ADAM12: variants seen among roughly 807,000 people sequenced by gnomAD.
ADAM12 encodes the protein ADAM metallopeptidase domain 12, also known as disintegrin and metalloproteinase domain-containing protein 12.
In ADAM12, 70 loss-of-function variants were observed where a neutral mutation model predicts 106.4. The observed-to-expected ratio is 0.66, with a 90% CI of 0.54 to 0.80. The LOEUF is 0.80. Among genes scored for constraint, ADAM12 ranks in the 30% least tolerant of loss-of-function variants. ADAM12 has a pLI of 0.00. For missense variants in ADAM12, 1,010 were observed against 1,171.9 expected (o/e 0.86, Z 2.02); for synonymous variants, 420 against 433.5 (o/e 0.97, Z 0.39).
intron 3 of ADAM12, among the ~76,000 whole-genome samples, chr10:126,168,085 A>G (rs1957055922): frequency 6.6e-6 from 1 of 152,224 alleles, no homozygotes; most frequent in South Asian, 2.1e-4. Context: ...TATTTACCTA[A>G]CTGATTAACT....
chr10:126,368,664 T>G (rs1286251969), intron 1 of ADAM12, among the ~76,000 whole-genome samples: 2 of 151,900 alleles, frequency 1.3e-5, no homozygotes, highest in East Asian at 1.9e-4. Context: ...TTGTTGTTTT[T>G]TTTTGCCTTT....
rs1325084158 is a variant in ADAM12, at chr10:126,049,873, A to G, written c.1610-204T>C. On this transcript the variant is annotated intron_variant, in intron 14 of 22. Transcript: ENST00000448723. The surrounding 1 kb of genome is among the most constrained non-coding windows in gnomAD (Gnocchi z 4.4). ...CTCTTGACTCGGCCTCTGGCAGAGC[A>G]CATGTTCCAATGCTTACTCTTCCTT... Among the ~76,000 whole-genome samples, 1 of 152,094 alleles carries G rather than the reference A, an allele frequency of 6.6e-6. No homozygotes were observed. The highest frequency in any genetic ancestry group is 1.5e-5 in the Non-Finnish European group (1 of 68,012).
rs111869297 is a variant in ADAM12, at chr10:126,068,192, CT to C, written c.1324-1387del. Among the ~76,000 whole-genome samples, 7 of 152,228 alleles carry C rather than the reference CT, an allele frequency of 4.6e-5. 1 individual carries two copies. Among genetic ancestry groups the C allele is most frequent in the African/African-American group, 1.4e-4 (6 of 41,530 alleles). On this transcript the variant is annotated intron_variant, in intron 12 of 22. Transcript: ENST00000448723. ...TTACAATTCTAAAAGAGTTTAGGAA[CT>C]TTTTTTAAAAAAAGTAGTCCATTAA...
At chr10:126,074,967 T>C (rs1455986935) in intron 11 of ADAM12, among the ~76,000 whole-genome samples, 1 of 152,150 alleles carries the variant, frequency 6.6e-6, no homozygotes, top group Non-Finnish European at 1.5e-5. Context: ...GCTCCAGCCA[T>C]GAGCAGGTGT....
rs199619555 is a variant in ADAM12 at position 126,051,588 on chromosome 10, T to TCCAGCCAGCCAGCCAGCCAGCCAG, written c.1610-1920_1610-1919insCTGGCTGGCTGGCTGGCTGGCTGG. ...ATCCATCCATCCATCCATCCATCCA[T>TCCAGCCAGCCAGCCAGCCAGCCAG]CCAGCCAGCCAGCCACCTGTCCATC... is the stretch of plus-strand genomic sequence containing the variant. On this transcript the variant is annotated intron_variant, in intron 14 of 22. Transcript: ENST00000448723. Among the ~76,000 whole-genome samples the TCCAGCCAGCCAGCCAGCCAGCCAG allele has an allele frequency of 4.5e-4, 56 of 124,372 alleles. 1 individual carries two copies. Among genetic ancestry groups the TCCAGCCAGCCAGCCAGCCAGCCAG allele is most frequent in the East Asian group, 1.6e-3 (7 of 4,252 alleles). 81.6% of individuals were successfully genotyped at this position (124,372 alleles called of 152,430 possible).
chr10:126,237,698 C>G (rs575203258), intron 3 of ADAM12, among the ~76,000 whole-genome samples: 1 of 152,158 alleles, frequency 6.6e-6, no homozygotes, highest in Non-Finnish European at 1.5e-5. Flanking sequence ...GAAAATCATA[C>G]GTTTGTAGCA....
intron 6 of ADAM12, among the ~76,000 whole-genome samples, chr10:126,111,465 A>G: frequency 6.6e-6 from 1 of 152,182 alleles, no homozygotes; most frequent in African/African-American, 2.4e-5. Flanking sequence ...TAATTCCCTA[A>G]TTAATCATTA....
chr10:126,283,124 A>G (rs914469047), intron 2 of ADAM12, among the ~76,000 whole-genome samples: 2 of 152,038 alleles, frequency 1.3e-5, no homozygotes, highest in African/African-American at 2.4e-5. Flanking sequence ...ACAGTTCACA[A>G]TAGGGTTTGT....
chr10:126,109,920 C>T, intron 6 of ADAM12, 80 bp from the exon 7 acceptor site: 1 of 1,366,602 alleles, frequency 7.3e-7, no homozygotes, highest in Non-Finnish European at 1.0e-6. Context: ...AATCTAAACA[C>T]TTTAGGTTGA....
At chr10:126,142,560 G>A (rs183737258) in intron 4 of ADAM12, among the ~76,000 whole-genome samples, 26 of 152,338 alleles carry the variant, frequency 1.7e-4, no homozygotes, top group East Asian at 5.8e-4. Flanking sequence ...ACCTTCCAGC[G>A]TGGGTGTCAT....
intron 3 of ADAM12, among the ~76,000 whole-genome samples, chr10:126,186,660 T>C (rs758603615): frequency 2.6e-5 from 4 of 151,640 alleles, no homozygotes; most frequent in African/African-American, 4.9e-5. Context: ...TCGCACAGTG[T>C]CTGGACCAGC....
intron 3 of ADAM12, among the ~76,000 whole-genome samples, chr10:126,206,239 T>G (rs1487437343): frequency 6.6e-6 from 1 of 152,194 alleles, no homozygotes; most frequent in Admixed American, 6.5e-5. Flanking sequence ...AACTACCACA[T>G]GGACATGAAT....
intron 6 of ADAM12, among the ~76,000 whole-genome samples, chr10:126,116,680 G>C (rs1278390): frequency 0.66 from 100,173 of 151,656 alleles, 33,848 homozygotes; most frequent in African/African-American, 0.82. Context: ...GCCATAGAAA[G>C]TCTTAGAAAC....
intron 2 of ADAM12, among the ~76,000 whole-genome samples, chr10:126,293,083 A>G (rs1033479921): frequency 1.3e-5 from 2 of 152,224 alleles, no homozygotes; most frequent in Non-Finnish European, 2.9e-5. Context: ...ACAGGCCAGC[A>G]ACCCACAAGG....
chr10:126,043,234 G>T lies in ADAM12; in HGVS notation c.1996-86C>A. 8.3e-7 allele frequency: 1 copy of T among 1,205,752 alleles called. No individual in the cohort carries two copies. Among genetic ancestry groups the T allele is most frequent in the Non-Finnish European group, 1.2e-6 (1 of 849,104 alleles). The allele number at this position is 1,205,752 out of a possible 1,614,324, so 74.7% of individuals were successfully genotyped here. ...AGAAGCAAGGGGGGCCATGGTCAGA[G>T]CCCCCCCCCAACACTGACACAGCCA... On this transcript the variant is annotated intron_variant, in intron 17 of 22. Transcript: ENST00000448723. The surrounding 1 kb of genome is among the most constrained non-coding windows in gnomAD (Gnocchi z 4.1).
intron 3 of ADAM12, among the ~76,000 whole-genome samples, chr10:126,237,329 T>C (rs1269994327): frequency 1.3e-5 from 2 of 152,122 alleles, no homozygotes; most frequent in African/African-American, 4.8e-5. Flanking sequence ...AGAGGACTTC[T>C]ATTATTCTAT....
At chr10:126,197,871 T>C (rs569994398) in intron 3 of ADAM12, among the ~76,000 whole-genome samples, 213 of 152,244 alleles carry the variant, frequency 1.4e-3, no homozygotes, top group Non-Finnish European at 2.2e-3. Context: ...TTCACAGGCC[T>C]GAAAGCCCCA....
chr10:126,054,181 G>A (rs889449393), intron 14 of ADAM12, among the ~76,000 whole-genome samples: 2 of 152,114 alleles, frequency 1.3e-5, no homozygotes, highest in East Asian at 1.9e-4. Context: ...TTAGCCCAGT[G>A]GGTGTATATT....
chr10:126,368,356 G>GTTTTTTTTTTTTTTTTT (rs34317249), intron 1 of ADAM12, among the ~76,000 whole-genome samples: 1 of 118,402 alleles, frequency 8.4e-6, no homozygotes, highest in African/African-American at 3.1e-5. Context: ...TGTGTGATTT[G>GTTTTTTTTTTTTTTTTT]TTTTTTTTTT....
Sources: allele counts gnomAD v4.1 joint callset (sites outside exome capture counted in the v4.1 genomes callset), GRCh38; gene constraint gnomAD v4.1.1; non-coding constraint Gnocchi (gnomAD v3.1); transcripts MANE v1.5; gene names NCBI Gene and HGNC (gene_info 2026-07-23, HGNC 2026-07-21).